Variants in PKD1L3 observed in about 807,000 individuals in gnomAD.
PKD1L3 encodes polycystin-1-like protein 3.
Under a neutral mutation model 184.1 loss-of-function variants are expected in PKD1L3, and 239 were observed. That is an observed-to-expected ratio of 1.30 (90% CI 1.17 to 1.45). The LOEUF (loss-of-function observed/expected upper bound fraction) is 1.45. Ranked by LOEUF, PKD1L3 falls within the 40% of genes most tolerant of loss-of-function variation. The pLI is 0.00. For synonymous variants in PKD1L3, 996 were observed against 778.8 expected (o/e 1.28, Z -4.64); for missense variants, 2,660 against 2,067.2 (o/e 1.29, Z -5.56).
chr16:71,994,002 T>A (rs1231588072), intron 2 of PKD1L3, among the ~76,000 whole-genome samples: 1 of 152,160 alleles, frequency 6.6e-6, no homozygotes, highest in Admixed American at 6.5e-5. Context: ...ACTCCTGACC[T>A]CAGGTAATGT....
intron 5 of PKD1L3, among the ~76,000 whole-genome samples, chr16:71,985,598 AT>A (rs997100806): frequency 5.9e-5 from 9 of 151,466 alleles, no homozygotes; most frequent in African/African-American, 2.2e-4. Flanking sequence ...CACCTGGCTA[AT>A]TTTTTTTTGA....
chr16:71,950,902 T>A (rs989665624), intron 19 of PKD1L3, among the ~76,000 whole-genome samples: 3 of 151,210 alleles, frequency 2.0e-5, no homozygotes, highest in Admixed American at 1.3e-4. Context: ...CCAGCTAATT[T>A]TTTTTTTTTT....
chr16:71,959,382 C>T (rs1055677624), intron 16 of PKD1L3, among the ~76,000 whole-genome samples: 2 of 152,090 alleles, frequency 1.3e-5, no homozygotes, highest in Admixed American at 6.6e-5. Context: ...TGTACTCCAG[C>T]CTGGGCAACA....
chr16:71,971,223 A>G (rs779708536), intron 12 of PKD1L3, among the ~76,000 whole-genome samples: 2 of 152,256 alleles, frequency 1.3e-5, no homozygotes, highest in Non-Finnish European at 1.5e-5. Context: ...TTAAGAAAAT[A>G]TGAAGCAGAG....
chr16:71,954,268 G>T lies in PKD1L3; in HGVS notation c.2646C>A (p.Phe882Leu). 6.5e-7 allele frequency: 1 copy of T among 1,546,026 alleles called. No individual in the cohort carries two copies. Among genetic ancestry groups the T allele is most frequent in the South Asian group, 1.2e-5 (1 of 83,000 alleles). Residue 882 changes from phenylalanine to leucine, a missense_variant, in exon 17 of 30, where the codon TTC becomes TTA. Physicochemically the swap from Phe to Leu is conservative, Grantham distance 22. Coordinates refer to ENST00000620267, the MANE Select transcript of PKD1L3 (RefSeq NM_181536.2). ...HLFSSMIVEK[F>L]TQDYLWLSIA... ...TTGAAAGCCACAGATAATCCTGGGT[G>T]AACTTTTCCACAATCATGGAGGAAA...
chr16:71,951,847 A>C, intron 18 of PKD1L3, 103 bp from the exon 19 acceptor site: 1 of 1,074,834 alleles, frequency 9.3e-7, no homozygotes, highest in Non-Finnish European at 1.3e-6. Flanking sequence ...AGAAGGGGAT[A>C]TGCTTAGCAC....
chr16:71,997,470 T>C (rs914746918), intron 2 of PKD1L3, among the ~76,000 whole-genome samples: 4 of 149,852 alleles, frequency 2.7e-5, no homozygotes, highest in Non-Finnish European at 4.4e-5. Context: ...ATAAATAGGC[T>C]GGGCGCAGTG....
intron 5 of PKD1L3, among the ~76,000 whole-genome samples, chr16:71,984,570 G>C (rs1176326835): frequency 2.0e-5 from 3 of 152,164 alleles, no homozygotes; most frequent in African/African-American, 4.8e-5. Flanking sequence ...TCAAGTATTC[G>C]TATTTAAGGC....
At chr16:71,929,776 T>A in intron 29 of PKD1L3, 98 bp from the exon 30 acceptor site, 1 of 1,195,664 alleles carries the variant, frequency 8.4e-7, no homozygotes, top group Non-Finnish European at 1.2e-6. Context: ...AATTAGTAAA[T>A]GTAAAGATAC....
intron 4 of PKD1L3, among the ~76,000 whole-genome samples, chr16:71,989,792 A>C (rs1383985878): frequency 6.6e-6 from 1 of 152,170 alleles, no homozygotes; most frequent in South Asian, 2.1e-4. Context: ...AAAAATTCCA[A>C]GTTTGGAGGT....
rs780461351 is a variant in PKD1L3, at chr16:71,930,178, G to T, written c.4932C>A (p.Phe1644Leu). The T allele has an allele frequency of 3.3e-6, 5 of 1,537,718 alleles. No homozygotes were observed. Among genetic ancestry groups the T allele is most frequent in the Admixed American group, 2.2e-5 (1 of 46,350 alleles). The change falls in exon 29 of 30, where the codon TTC (phenylalanine) becomes TTA (leucine). Residue 1644 changes from phenylalanine to leucine, a missense_variant. Coordinates refer to ENST00000620267, the MANE Select transcript of PKD1L3 (RefSeq NM_181536.2). ...AGGTGCCCAGGACTGGGTCTAAAGC[G>T]AAAACCTGGGAAAACAATAAGAACA... is the stretch of plus-strand genomic sequence containing the variant. ...LMGISHQEEV[F>L]ALDPVLGTFL... is the part of the protein sequence containing the mutation.
intron 28 of PKD1L3, 140 bp downstream of exon 28, chr16:71,933,280 A>G (rs2038052230): frequency 4.5e-6 from 3 of 669,884 alleles, no homozygotes; most frequent in Non-Finnish European, 5.4e-6. Context: ...GCAGTACCAT[A>G]AAGCAGTAGA....
chr16:71,944,005 G>A (rs1230097699), intron 23 of PKD1L3, 25 bp downstream of exon 23: 3 of 1,544,288 alleles, frequency 1.9e-6, no homozygotes, highest in South Asian at 2.4e-5. Context: ...TGTGTTATCA[G>A]TATGTTGCCA....
intron 16 of PKD1L3, among the ~76,000 whole-genome samples, chr16:71,959,766 A>C (rs8051124): frequency 6.6e-6 from 1 of 151,998 alleles, no homozygotes; most frequent in Non-Finnish European, 1.5e-5. Flanking sequence ...AAGTGGAAAA[A>C]CAAGAGGAGA....
intron 2 of PKD1L3, among the ~76,000 whole-genome samples, chr16:71,995,201 C>T (rs536100801): frequency 2.0e-5 from 3 of 152,164 alleles, no homozygotes; most frequent in South Asian, 2.1e-4. Context: ...AGAAGCCCTC[C>T]CTCTGCCAAG....
At chr16:71,996,123 G>C (rs1415903859) in intron 2 of PKD1L3, among the ~76,000 whole-genome samples, 3 of 152,062 alleles carry the variant, frequency 2.0e-5, no homozygotes. Flanking sequence ...AATGCAGAGA[G>C]ATGCCTTTAT....
chr16:71,988,493 C>A (rs1567550792), intron 4 of PKD1L3, among the ~76,000 whole-genome samples: 1 of 152,186 alleles, frequency 6.6e-6, no homozygotes, highest in Non-Finnish European at 1.5e-5. Context: ...CCGCACCAAG[C>A]CAGCAAACGT....
At chr16:71,983,916 G>T in intron 6 of PKD1L3, 120 bp downstream of exon 6, 1 of 1,334,490 alleles carries the variant, frequency 7.5e-7, no homozygotes. Context: ...GCCCGCCTCG[G>T]CCTTCTAAAG....
In PKD1L3 at chr16:71,934,133, A is replaced by C. The variant is rs1255737954; in HGVS notation, c.4614-8T>G. On this transcript the variant is annotated splice_region_variant and splice_polypyrimidine_tract_variant and intron_variant, in intron 26 of 29. Coordinates refer to ENST00000620267, the MANE Select transcript of PKD1L3 (RefSeq NM_181536.2). ...TCATAGAAGCTGATGAATCTGCACC[A>C]AGGAAAGCTGACAGTTACTCAGCAA... The C allele has an allele frequency of 6.4e-6, 10 of 1,551,604 alleles. No homozygotes were observed. The highest frequency in any genetic ancestry group is 1.4e-5 in the African/African-American group (1 of 73,150).
Sources: allele counts gnomAD v4.1 joint callset (sites outside exome capture counted in the v4.1 genomes callset), GRCh38; gene constraint gnomAD v4.1.1; transcripts MANE v1.5; gene names NCBI Gene and HGNC (gene_info 2026-07-23, HGNC 2026-07-21).